Variants in CACNA1G observed in about 807,000 individuals in gnomAD.
The protein encoded by CACNA1G is voltage-dependent T-type calcium channel subunit alpha-1G.
A neutral mutation model predicts 219.4 loss-of-function variants in CACNA1G; 67 were observed. The ratio of observed to expected loss-of-function variants is 0.31; its 90% CI spans 0.25 to 0.37. The LOEUF (loss-of-function observed/expected upper bound fraction) is 0.37. Among genes scored for constraint, CACNA1G ranks in the 10% least tolerant of loss-of-function variants. The probability of loss-of-function intolerance (pLI) is 1.00; values close to 1 mark genes in which losing one functional copy is unlikely to be tolerated. For missense variants in CACNA1G, 2,380 were observed against 3,231.4 expected (o/e 0.74, Z 6.39); for synonymous variants, 1,296 against 1,345.3 (o/e 0.96, Z 0.80).
intron 34 of CACNA1G, among the ~76,000 whole-genome samples, chr17:50,620,920 G>A (rs2051726021): frequency 1.3e-5 from 2 of 152,328 alleles, no homozygotes; most frequent in African/African-American, 2.4e-5. Context: ...TGGGAGGGAC[G>A]GTCCAACTGT....
Position 50,618,400 on chromosome 17 carries a change from G to A in CACNA1G, c.5427+57G>A. On this transcript the variant is annotated intron_variant, in intron 32 of 37. Coordinates refer to ENST00000359106, the MANE Select transcript of CACNA1G (RefSeq NM_018896.5). This position sits in a 1 kb window ranked among gnomAD's most constrained non-coding sequence, Gnocchi z 5.3. ...GAGGCAGCCCCACTTCCTGAGCTAG[G>A]ATTCCTTGGGAAGATGAATTGGCCA... 6.3e-7 allele frequency: 1 copy of A among 1,593,476 alleles called. No homozygotes were observed. Among genetic ancestry groups the A allele is most frequent in the Non-Finnish European group, 8.6e-7 (1 of 1,165,758 alleles).
rs932185343 is a variant in CACNA1G at position 50,621,590 on chromosome 17, G to A, written c.5926-70G>A. 22 of 1,548,518 alleles carry A rather than the reference G, an allele frequency of 1.4e-5. No individual in the cohort carries two copies. Among genetic ancestry groups the A allele is most frequent in the Non-Finnish European group, 1.9e-5 (21 of 1,130,738 alleles). The stretch of plus-strand genomic sequence containing the variant: ...GGAAGTGGGGACTGAGAGAGAGCGC[G>A]TGTGTGCGTGTGCACGCGCGTGTGC... On this transcript the variant is annotated intron_variant, in intron 34 of 37. Coordinates refer to ENST00000359106, the MANE Select transcript of CACNA1G (RefSeq NM_018896.5). This position sits in a 1 kb window ranked among gnomAD's most constrained non-coding sequence, Gnocchi z 4.6.
Position 50,607,748 on chromosome 17 carries a change from G to A in CACNA1G, c.4513-79G>A, listed in dbSNP as rs543358434. The stretch of plus-strand genomic sequence containing the variant: ...CGGCTGTAGCTATTTGGGTTCGCAG[G>A]AACCCAGGCTGTGGGCAGCTCCTAA... On this transcript the variant is annotated intron_variant, in intron 24 of 37. Transcript: ENST00000359106. 6.6e-4 allele frequency: 855 copies of A among 1,287,280 alleles called. 1 individual carries two copies. The highest frequency in any genetic ancestry group is 8.8e-4 in the Non-Finnish European group (780 of 887,864). 79.7% of individuals were successfully genotyped at this position (1,287,280 alleles called of 1,614,324 possible). A position where few individuals can be genotyped will look rare whatever the true frequency, so the allele number is the denominator to read the frequency against.
chr17:50,610,865 A>G (rs572964096), intron 26 of CACNA1G, among the ~76,000 whole-genome samples: 26 of 152,326 alleles, frequency 1.7e-4, no homozygotes, highest in African/African-American at 6.3e-4. Flanking sequence ...TACACACTAA[A>G]TGATGGCAAA....
At chr17:50,604,923 C>G (rs919139088) in intron 22 of CACNA1G, among the ~76,000 whole-genome samples, 1 of 152,184 alleles carries the variant, frequency 6.6e-6, no homozygotes, top group Non-Finnish European at 1.5e-5. Context: ...AGCGTGGGAG[C>G]CCCTGGGTGG....
intron 27 of CACNA1G, among the ~76,000 whole-genome samples, chr17:50,615,952 A>T (rs960405880): frequency 1.3e-5 from 2 of 152,038 alleles, no homozygotes; most frequent in African/African-American, 4.8e-5. Context: ...TGTCCATCCA[A>T]TGAGGGGGTT....
chr17:50,573,075 T>C lies in CACNA1G; in HGVS notation c.1102T>C (p.Ser368Pro). The change falls in exon 7 of 38, where the codon TCC (serine) becomes CCC (proline). Residue 368 changes from serine to proline, a missense_variant. Physicochemically the swap from Ser to Pro is moderately conservative, Grantham distance 74 (BLOSUM62 -1). Around this residue, in one of 17 missense-constraint regions of CACNA1G, gnomAD observed 72 missense variants for 175.8 expected, o/e 0.41. Transcript: ENST00000359106. ...DIMYFVMDAH[S>P]FYNFIYFILL... ...CATGTACTTTGTGATGGATGCTCAT[T>C]CCTTCTACAATTTCATCTACTTCAT... 1 of 1,577,666 alleles carries C rather than the reference T, an allele frequency of 6.3e-7. No homozygotes were observed. Among genetic ancestry groups the C allele is most frequent in the Non-Finnish European group, 8.6e-7 (1 of 1,160,584 alleles).
chr17:50,598,414 G>T (rs2045979851), intron 16 of CACNA1G, among the ~76,000 whole-genome samples: 1 of 152,222 alleles, frequency 6.6e-6, no homozygotes, highest in South Asian at 2.1e-4. Context: ...AAATGAAGAT[G>T]GGAATGCCCG....
Position 50,599,645 on chromosome 17 carries a change from G to T in CACNA1G, c.3476G>T (p.Arg1159Leu). ...GCCAGCCCTGCGGGCAGTGACCATC[G>T]CCACAGGGGGTCCCTGGAGCGGGAG... ...ERASPAGSDH[R>L]HRGSLEREAK... The change falls in exon 17 of 38, where the codon CGC becomes CTC. Residue 1159 changes from arginine to leucine, a missense_variant. By Grantham distance (102) the Arg-to-Leu change is moderately radical. Transcript: ENST00000359106. 1 of 1,612,884 alleles carries T rather than the reference G, an allele frequency of 6.2e-7. No homozygotes were observed. The highest frequency in any genetic ancestry group is 8.5e-7 in the Non-Finnish European group (1 of 1,179,464).
intron 1 of CACNA1G, chr17:50,562,023 G>A (rs1023716835): frequency 3.3e-5 from 9 of 269,602 alleles, no homozygotes; most frequent in Non-Finnish European, 5.6e-5. Flanking sequence ...GATGTGGTCA[G>A]GGGAGGGTCG....
At chr17:50,605,419 C>T (rs1167543753) in intron 22 of CACNA1G, among the ~76,000 whole-genome samples, 1 of 152,172 alleles carries the variant, frequency 6.6e-6, no homozygotes, top group Non-Finnish European at 1.5e-5. Context: ...ACCCACTCCC[C>T]CACCCAGAGC....
Position 50,615,522 on chromosome 17 carries a change from A to G in CACNA1G, c.4911+10A>G. On this transcript the variant is annotated intron_variant, in intron 27 of 37. Transcript: ENST00000359106. ...CTACCAGCAGCCCCAGGTAGGAGCG[A>G]GTGGACCAGCCATCTGGCCCCCCCA... 1 of 1,610,976 alleles carries G rather than the reference A, an allele frequency of 6.2e-7. No homozygotes were observed. Among genetic ancestry groups the G allele is most frequent in the South Asian group, 1.1e-5 (1 of 90,806 alleles).
In CACNA1G at chr17:50,626,919, T is replaced by G; in HGVS notation, c.*168T>G. On this transcript the variant is annotated 3_prime_UTR_variant, in exon 38 of 38. Transcript: ENST00000359106. This position sits in a 1 kb window ranked among gnomAD's most constrained non-coding sequence, Gnocchi z 4.3. The stretch of plus-strand genomic sequence containing the variant: ...CTGCAAGCAGAACTTCCAAAGAGAG[T>G]TAAAAGCAGCAGCCCCGGCAACTCT... The G allele has an allele frequency of 2.2e-6, 2 of 900,282 alleles. No individual in the cohort carries two copies. Among genetic ancestry groups the G allele is most frequent in the Non-Finnish European group, 3.6e-6 (2 of 550,138 alleles). 55.8% of individuals were successfully genotyped at this position (900,282 alleles called of 1,614,324 possible). A position where few individuals can be genotyped will look rare whatever the true frequency, so the allele number is the denominator to read the frequency against.
intron 35 of CACNA1G, among the ~76,000 whole-genome samples, chr17:50,622,723 G>A (rs2052470749): frequency 6.6e-6 from 1 of 152,142 alleles, no homozygotes; most frequent in African/African-American, 2.4e-5. Context: ...GAACAAACTA[G>A]GCTCCCTCAT....
Position 50,573,085 on chromosome 17 carries a change from A to G in CACNA1G, c.1112A>G (p.Asn371Ser), listed in dbSNP as rs1369678324. The G allele has an allele frequency of 3.8e-6, 6 of 1,575,014 alleles. No homozygotes were observed. The highest frequency in any genetic ancestry group is 1.7e-4 in the Middle Eastern group (1 of 6,040). Residue 371 changes from asparagine to serine, a missense_variant, in exon 7 of 38, where the codon AAT becomes AGT. By Grantham distance (46) the Asn-to-Ser change is conservative. Around this residue, in one of 17 missense-constraint regions of CACNA1G, gnomAD observed 72 missense variants for 175.8 expected, o/e 0.41. Transcript: ENST00000359106. ...GTGATGGATGCTCATTCCTTCTACA[A>G]TTTCATCTACTTCATCCTCCTCATC... ...YFVMDAHSFY[N>S]FIYFILLIIV...
chr17:50,569,076 C>T (rs2038763537), intron 2 of CACNA1G, 89 bp from the exon 3 acceptor site: 1 of 1,556,878 alleles, frequency 6.4e-7, no homozygotes, highest in East Asian at 2.3e-5. Context: ...TGCAAGAGGC[C>T]CTGACCCAAC....
intron 26 of CACNA1G, among the ~76,000 whole-genome samples, chr17:50,613,537 C>T (rs2049728274): frequency 1.3e-5 from 2 of 152,196 alleles, no homozygotes. Flanking sequence ...CCTGGAACTG[C>T]CTACAGAGTC....
intron 13 of CACNA1G, among the ~76,000 whole-genome samples, chr17:50,592,600 G>A (rs961920244): frequency 7.9e-5 from 12 of 152,186 alleles, no homozygotes; most frequent in African/African-American, 1.9e-4. Flanking sequence ...AGAGATGAGC[G>A]TCCTATTTCC....
chr17:50,595,473 C>T (rs566245296), intron 14 of CACNA1G, among the ~76,000 whole-genome samples: 4 of 152,380 alleles, frequency 2.6e-5, no homozygotes, highest in African/African-American at 9.6e-5. Context: ...CCATCTCCCA[C>T]CCCTTCACCC....
Sources: allele counts gnomAD v4.1 joint callset (sites outside exome capture counted in the v4.1 genomes callset), GRCh38; gene constraint gnomAD v4.1.1; regional missense constraint gnomAD v4.1.1; non-coding constraint Gnocchi (gnomAD v3.1); transcripts MANE v1.5; gene names NCBI Gene and HGNC (gene_info 2026-07-23, HGNC 2026-07-21).